The following KALRN variants were observed in gnomAD, a reference collection of about 807,000 sequenced individuals.
KALRN encodes kalirin RhoGEF kinase, also known as kalirin.
Under a neutral mutation model 353.7 loss-of-function variants are expected in KALRN, and 70 were observed. The observed-to-expected ratio is 0.20, with a 90% CI of 0.16 to 0.24. The LOEUF (loss-of-function observed/expected upper bound fraction) is 0.24, where lower values mean the gene tolerates loss of function less well. Among genes scored for constraint, KALRN ranks in the 10% least tolerant of loss-of-function variants. The pLI, the probability that KALRN is intolerant of heterozygous loss-of-function variation, is 1.00. For missense variants in KALRN, 2,791 were observed against 3,756.7 expected, an observed-to-expected ratio of 0.74 and a Z score of 6.72; for synonymous variants, 1,391 against 1,434.8, an observed-to-expected ratio of 0.97 and a Z score of 0.69.
At chr3:124,472,864 A>G (rs372997147) in intron 25 of KALRN, among the ~76,000 whole-genome samples, 1 of 152,278 alleles carries the variant, frequency 6.6e-6, no homozygotes, top group East Asian at 1.9e-4. Flanking sequence ...TGAAGCCCAA[A>G]TATCATTATA....
chr3:124,550,268 G>T (rs1428425791), intron 33 of KALRN, among the ~76,000 whole-genome samples: 1 of 152,146 alleles, frequency 6.6e-6, no homozygotes, highest in Admixed American at 6.5e-5. Context: ...AGTTCATCTG[G>T]GCTGAGCTAT....
chr3:124,202,878 G>T (rs2150408825), intron 1 of KALRN, among the ~76,000 whole-genome samples: 1 of 152,286 alleles, frequency 6.6e-6, no homozygotes. Context: ...GGTCCTCTGA[G>T]GCTATCCTGC....
intron 5 of KALRN, among the ~76,000 whole-genome samples, chr3:124,298,075 G>A (rs1204525071): frequency 1.3e-5 from 2 of 152,162 alleles, no homozygotes; most frequent in African/African-American, 4.8e-5. Flanking sequence ...CTTAGGTCTG[G>A]TGTCCCAAAA....
intron 34 of KALRN, among the ~76,000 whole-genome samples, chr3:124,574,830 G>A (rs1360694275): frequency 2.0e-5 from 3 of 152,230 alleles, no homozygotes; most frequent in Admixed American, 6.5e-5. Flanking sequence ...TCTGCTCAGG[G>A]AAGGGCAGAG....
intron 1 of KALRN, among the ~76,000 whole-genome samples, chr3:124,131,712 A>G (rs1446075975): frequency 6.6e-6 from 1 of 152,160 alleles, no homozygotes; most frequent in Admixed American, 6.5e-5. Context: ...GTGATTACAG[A>G]AGCAGCCACT....
chr3:124,088,342 AGT>A (rs1464999796), intron 1 of KALRN, among the ~76,000 whole-genome samples: 1 of 152,242 alleles, frequency 6.6e-6, no homozygotes, highest in Non-Finnish European at 1.5e-5. Context: ...AGATCAGATG[AGT>A]TGGGGCAGCT....
chr3:124,430,807 C>A (rs1227201357), intron 16 of KALRN, 32 bp downstream of exon 16: 2 of 1,603,598 alleles, frequency 1.2e-6, no homozygotes, highest in South Asian at 2.2e-5. Context: ...ACTGTCCTCC[C>A]TTCGCCTTTC....
At chr3:124,259,941 G>A (rs2072608272) in intron 3 of KALRN, among the ~76,000 whole-genome samples, 1 of 152,144 alleles carries the variant, frequency 6.6e-6, no homozygotes, top group Non-Finnish European at 1.5e-5. Flanking sequence ...GCTGACCCCA[G>A]TTTACCCTCC....
chr3:124,154,725 A>G (rs957419831), intron 1 of KALRN, among the ~76,000 whole-genome samples: 1 of 152,190 alleles, frequency 6.6e-6, no homozygotes, highest in Non-Finnish European at 1.5e-5. Flanking sequence ...CCATCAAGCT[A>G]CCAATGACTT....
chr3:124,105,614 T>G (rs13067260), intron 1 of KALRN, among the ~76,000 whole-genome samples: 134,617 of 151,802 alleles, frequency 0.89, 60,362 homozygotes, highest in East Asian at 1. Context: ...TCCATGTGCG[T>G]GGAGAGGAGG....
At chr3:124,616,787 A>G (rs930447527) in intron 34 of KALRN, among the ~76,000 whole-genome samples, 1 of 152,014 alleles carries the variant, frequency 6.6e-6, no homozygotes, top group African/African-American at 2.4e-5. Context: ...AACACGGTGA[A>G]ACCCCGTCTC....
intron 28 of KALRN, among the ~76,000 whole-genome samples, chr3:124,483,999 T>C (rs2108277863): frequency 1.3e-5 from 2 of 152,350 alleles, no homozygotes; most frequent in Middle Eastern, 3.4e-3. Flanking sequence ...TCATTTGAAA[T>C]ATCCTGCTGG....
At chr3:124,283,747 G>T (rs1310378724) in intron 5 of KALRN, among the ~76,000 whole-genome samples, 2 of 152,206 alleles carry the variant, frequency 1.3e-5, no homozygotes, top group Non-Finnish European at 2.9e-5. Flanking sequence ...AGTGCGAGGA[G>T]AGTGGCCTTT....
intron 34 of KALRN, among the ~76,000 whole-genome samples, chr3:124,602,025 C>CA (rs3058058): frequency 0.053 from 7,114 of 133,070 alleles, 586 homozygotes; most frequent in African/African-American, 0.18. Context: ...GACTCTGTCT[C>CA]AAAAAAAAAA....
At chr3:124,368,187 G>A (rs1380971357) in intron 10 of KALRN, among the ~76,000 whole-genome samples, 1 of 80,654 alleles carries the variant, frequency 1.2e-5, no homozygotes, top group African/African-American at 5.2e-5. Flanking sequence ...GCCGGGCGGG[G>A]GGCTGACCCC....
chr3:124,334,790 C>A lies in KALRN; in HGVS notation c.1647+295C>A, dbSNP rs1215598530. Among the ~76,000 whole-genome samples, 1 of 152,114 alleles carries A rather than the reference C, an allele frequency of 6.6e-6. No individual in the cohort carries two copies. The highest frequency in any genetic ancestry group is 1.5e-5 in the Non-Finnish European group (1 of 68,000). On this transcript the variant is annotated intron_variant, in intron 9 of 59. Coordinates refer to ENST00000682506, the MANE Select transcript of KALRN (RefSeq NM_001388419.1). The surrounding 1 kb of genome is among the most constrained non-coding windows in gnomAD (Gnocchi z 4.2). ...CCTCGTAGTCATGTGGCACATTTTT[C>A]TTTTGTTTTGTTTTGTTTTTTGGAA... is the stretch of plus-strand genomic sequence containing the variant.
chr3:124,099,121 A>G (rs906496207), intron 1 of KALRN, among the ~76,000 whole-genome samples: 1 of 152,188 alleles, frequency 6.6e-6, no homozygotes, highest in African/African-American at 2.4e-5. Flanking sequence ...GAACATTTCA[A>G]ATCTTCTCTT....
At chr3:124,662,223 A>G (rs1456348406) in intron 45 of KALRN, among the ~76,000 whole-genome samples, 2 of 116,002 alleles carry the variant, frequency 1.7e-5, no homozygotes, top group East Asian at 2.5e-4. Flanking sequence ...TTTTTTTGAG[A>G]CAGGTTCTTG....
intron 1 of KALRN, among the ~76,000 whole-genome samples, chr3:124,120,589 T>TA (rs2063878736): frequency 6.6e-6 from 1 of 151,824 alleles, no homozygotes; most frequent in Admixed American, 6.6e-5. Context: ...TGAATTTAAC[T>TA]AAGTATGTAC....
Sources: allele counts gnomAD v4.1 joint callset (sites outside exome capture counted in the v4.1 genomes callset), GRCh38; gene constraint gnomAD v4.1.1; non-coding constraint Gnocchi (gnomAD v3.1); transcripts MANE v1.5; gene names NCBI Gene and HGNC (gene_info 2026-07-23, HGNC 2026-07-21).